Variants in DAB1 observed in about 807,000 individuals in gnomAD.
DAB1 encodes DAB adaptor protein 1, also known as disabled homolog 1.
In DAB1, 15 loss-of-function variants were observed where a neutral mutation model predicts 64.6. The ratio of observed to expected loss-of-function variants is 0.23; its 90% CI spans 0.16 to 0.36. DAB1 has a LOEUF of 0.36. Ranked by LOEUF, DAB1 falls within the 10% of genes least tolerant of loss-of-function variation. DAB1 has a pLI of 1.00. For missense variants in DAB1, 596 were observed against 706.7 expected (o/e 0.84, Z 1.78); for synonymous variants, 235 against 251.9 (o/e 0.93, Z 0.64).
At position 58,049,004 on chromosome 1, in the gene DAB1, C is replaced by T. The variant is rs553471365; in HGVS notation, n.387+101507G>A. 7.1e-4 allele frequency: 568 copies of T among 800,614 alleles called. 3 individuals carry two copies. Among genetic ancestry groups the T allele is most frequent in the Non-Finnish European group, 7.8e-4 (355 of 453,672 alleles). The allele number at this position is 800,614 out of a possible 1,614,324, so 49.6% of individuals were successfully genotyped here. On this transcript the variant is annotated intron_variant and non_coding_transcript_variant, in intron 5 of 20. Transcript: ENST00000485760. ...TTTCACAGTTAAGTGGGCACCTGGTCTTTGGGAATCTTCTCTTGAGACAGC... is the reference window on the plus strand; with the variant it reads ...TTTCACAGTTAAGTGGGCACCTGGTTTTTGGGAATCTTCTCTTGAGACAGC...
intron 5 of DAB1, among the ~76,000 whole-genome samples, chr1:58,071,169 C>A (rs1424708757): frequency 6.6e-6 from 1 of 152,056 alleles, no homozygotes; most frequent in African/African-American, 2.4e-5. Context: ...CGAGGAAAAT[C>A]TACATTTGCT....
At chr1:57,272,868 G>A (rs927913732) in intron 2 of DAB1, among the ~76,000 whole-genome samples, 11 of 152,158 alleles carry the variant, frequency 7.2e-5, no homozygotes, top group African/African-American at 2.7e-4. Flanking sequence ...ATAGGCTGGT[G>A]GCAAGATGAG....
At chr1:57,841,600 G>C (rs1341126394) in intron 1 of DAB1, among the ~76,000 whole-genome samples, 1 of 152,218 alleles carries the variant, frequency 6.6e-6, no homozygotes, top group Non-Finnish European at 1.5e-5. Context: ...AGCCACCAAG[G>C]CTTGGGGCTT....
At chr1:58,389,960 G>C (rs965188643) in intron 3 of DAB1, among the ~76,000 whole-genome samples, 20 of 152,004 alleles carry the variant, frequency 1.3e-4, no homozygotes, top group Admixed American at 9.8e-4. Flanking sequence ...TGGGAGGATG[G>C]GGGGCAGGCA....
intron 5 of DAB1, among the ~76,000 whole-genome samples, chr1:57,955,659 A>G (rs1645375196): frequency 6.6e-6 from 1 of 152,104 alleles, no homozygotes; most frequent in Non-Finnish European, 1.5e-5. Flanking sequence ...CCAAATTAGC[A>G]CAAGAGGATA....
rs146244641 is a variant in DAB1, at chr1:57,221,768, T to A, written c.67+69196A>T. Among the ~76,000 whole-genome samples the A allele has an allele frequency of 7.1e-3, 1,083 of 152,236 alleles. 16 individuals carry two copies. The highest frequency in any genetic ancestry group is 0.024 in the African/African-American group (991 of 41,530). On this transcript the variant is annotated intron_variant, in intron 2 of 14. Coordinates refer to ENST00000371236, the MANE Select transcript of DAB1 (RefSeq NM_001365792.1). ...CTCAGAGAAGGGTAAACAAAAAATA[T>A]CCATTTTTTCTGTTCCTATTGCAAA...
chr1:57,428,918 C>CT (rs61125096), upstream of DAB1, among the ~76,000 whole-genome samples: 6,191 of 135,420 alleles, frequency 0.046, 147 homozygotes, highest in African/African-American at 0.065. Flanking sequence ...TTGTTGTTTG[C>CT]TTTTTTTTTT....
chr1:57,349,180 A>C (rs1678370292), intron 1 of DAB1, among the ~76,000 whole-genome samples: 1 of 152,178 alleles, frequency 6.6e-6, no homozygotes. Context: ...GACCCTGAGT[A>C]ATTCAACACA....
intron 2 of DAB1, among the ~76,000 whole-genome samples, chr1:57,263,144 C>T (rs1670318806): frequency 6.7e-6 from 1 of 149,714 alleles, no homozygotes; most frequent in Non-Finnish European, 1.5e-5. Flanking sequence ...GAGACGGAGT[C>T]TCGCTCTGTT....
At chr1:58,113,266 C>T (rs1652092073) in intron 5 of DAB1, among the ~76,000 whole-genome samples, 1 of 152,024 alleles carries the variant, frequency 6.6e-6, no homozygotes, top group African/African-American at 2.4e-5. Context: ...CCAGACAGGA[C>T]CGAGCTGTTG....
At chr1:58,002,757 G>C (rs574758104) in intron 5 of DAB1, among the ~76,000 whole-genome samples, 1 of 152,254 alleles carries the variant, frequency 6.6e-6, no homozygotes, top group South Asian at 2.1e-4. Context: ...CCATTTTAGA[G>C]AGCATATGTC....
chr1:57,188,597 T>C (rs765676585), intron 2 of DAB1, among the ~76,000 whole-genome samples: 1 of 152,184 alleles, frequency 6.6e-6, no homozygotes, highest in Non-Finnish European at 1.5e-5. Context: ...GGTGTGTGTA[T>C]CTGTGATCTT....
At chr1:57,421,115 C>A (rs1485397697) in intron 1 of DAB1, among the ~76,000 whole-genome samples, 3 of 152,122 alleles carry the variant, frequency 2.0e-5, no homozygotes, top group Non-Finnish European at 2.9e-5. Context: ...CTATCAGGTA[C>A]CAAGCCAAAC....
intron 6 of DAB1, among the ~76,000 whole-genome samples, chr1:57,798,720 C>T (rs1650986802): frequency 6.6e-6 from 1 of 152,186 alleles, no homozygotes; most frequent in African/African-American, 2.4e-5. Context: ...AAGTCCTTCA[C>T]TGTGGATTAG....
intron 1 of DAB1, among the ~76,000 whole-genome samples, chr1:57,405,146 C>G (rs907726439): frequency 3.8e-4 from 58 of 152,262 alleles, no homozygotes; most frequent in African/African-American, 1.3e-3. Context: ...ACATAACAAG[C>G]TGAATTAAGG....
At chr1:57,555,789 G>T (rs1283970640) in intron 7 of DAB1, among the ~76,000 whole-genome samples, 2 of 152,152 alleles carry the variant, frequency 1.3e-5, no homozygotes, top group Admixed American at 6.5e-5. Context: ...CATCACTGTT[G>T]ATTCTTAATG....
intron 7 of DAB1, among the ~76,000 whole-genome samples, chr1:57,585,879 T>C (rs745376109): frequency 6.6e-6 from 1 of 152,194 alleles, no homozygotes. Flanking sequence ...AGAAGAAAGA[T>C]TTTTTCAACC....
chr1:57,359,397 C>A (rs1420146195), intron 1 of DAB1, among the ~76,000 whole-genome samples: 1 of 151,778 alleles, frequency 6.6e-6, no homozygotes, highest in East Asian at 1.9e-4. Flanking sequence ...TAAGATATCC[C>A]CCTACCCCAG....
chr1:57,377,035 C>T (rs963392502), intron 1 of DAB1, among the ~76,000 whole-genome samples: 4 of 152,090 alleles, frequency 2.6e-5, no homozygotes, highest in African/African-American at 7.2e-5. Context: ...TTTGGGAGGC[C>T]GAGGTGGGCA....
Sources: gnomAD v4.1 joint callset for allele counts (sites outside exome capture counted in the v4.1 genomes callset) on GRCh38, gnomAD v4.1.1 for gene constraint, MANE v1.5 for transcripts, NCBI Gene and HGNC (gene_info 2026-07-23, HGNC 2026-07-21) for gene names.